Variants in ACSBG2 observed in about 807,000 individuals in gnomAD.
ACSBG2 encodes the protein acyl-CoA synthetase bubblegum family member 2.
In ACSBG2, 62 loss-of-function variants were observed where a neutral mutation model predicts 74.7. The observed-to-expected ratio is 0.83, with a 90% confidence interval of 0.68 to 1.03. The LOEUF (loss-of-function observed/expected upper bound fraction) is 1.03, where lower values mean the gene tolerates loss of function less well. ACSBG2 is among the 50% of genes least tolerant of loss of function. ACSBG2 has a pLI of 0.00. For missense variants in ACSBG2, 730 were observed against 817.6 expected (o/e 0.89, Z 1.31); for synonymous variants, 309 against 294.1 (o/e 1.05, Z -0.52).
chr19:6,149,504 CTTTT>C lies in ACSBG2; in HGVS notation c.297+1848_297+1851del, dbSNP rs556996493. ...CAAGTCTGTACCTTTACATGTGCAA[CTTTT>C]TTTTTTTTTTTTTTTTTTAGACAGA... On this transcript the variant is annotated intron_variant, in intron 3 of 14. Coordinates refer to ENST00000588485, the MANE Select transcript of ACSBG2 (RefSeq NM_030924.5). Among the ~76,000 whole-genome samples the C allele has an allele frequency of 3.3e-3, 428 of 127,890 alleles. 1 individual carries two copies. The highest frequency in any genetic ancestry group is 4.9e-3 in the Admixed American group (62 of 12,672). The allele number at this position is 127,890 out of a possible 152,430, so 83.9% of individuals were successfully genotyped here. A position where few individuals can be genotyped will look rare whatever the true frequency, so the allele number is the denominator to read the frequency against.
intron 8 of ACSBG2, among the ~76,000 whole-genome samples, chr19:6,178,067 C>T (rs1170678940): frequency 6.6e-6 from 1 of 151,946 alleles, no homozygotes; most frequent in Admixed American, 6.6e-5. Flanking sequence ...TTTATACCAC[C>T]TTTTCTTGAC....
chr19:6,141,476 C>T, intron 1 of ACSBG2, 37 bp from the exon 2 acceptor site: 1 of 1,059,722 alleles, frequency 9.4e-7, no homozygotes, highest in African/African-American at 1.6e-5. Context: ...AGCCCCTTTG[C>T]CAATCCTGTT....
At chr19:6,187,478 T>C in intron 12 of ACSBG2, 56 bp downstream of exon 12, 4 of 1,606,940 alleles carry the variant, frequency 2.5e-6, no homozygotes, top group Non-Finnish European at 3.4e-6. Context: ...TTGGGTTCCC[T>C]GGCCCCACCC....
In ACSBG2 at chr19:6,177,221, T is replaced by G; in HGVS notation, c.739-8T>G. 6.2e-7 allele frequency: 1 copy of G among 1,613,994 alleles called. No individual in the cohort carries two copies. On this transcript the variant is annotated splice_polypyrimidine_tract_variant and splice_region_variant and intron_variant, in intron 7 of 14. Transcript: ENST00000588485. ...GTGAGGCACCTTGGATTGTCCCTTA[T>G]GTTACAGATCACGTGGATTGCAGGA...
In ACSBG2 at chr19:6,177,373, T is replaced by G; in HGVS notation, c.883T>G (p.Phe295Val). 6.2e-7 allele frequency: 1 copy of G among 1,604,908 alleles called. No homozygotes were observed. Among genetic ancestry groups the G allele is most frequent in the Non-Finnish European group, 8.5e-7 (1 of 1,176,028 alleles). ...VPIKIGALTY[F>V]AQADALKGTL... ...CATAAAGATTGGGGCGCTCACATAC[T>G]TTGCTCAAGCAGATGCTCTCAAGGT... The change falls in exon 8 of 15, where the codon TTT (phenylalanine) becomes GTT (valine). Residue 295 changes from phenylalanine to valine, a missense_variant. Physicochemically the swap from Phe to Val is conservative, Grantham distance 50. Transcript: ENST00000588485.
intron 6 of ACSBG2, among the ~76,000 whole-genome samples, chr19:6,161,856 C>G (rs187492473): frequency 3.3e-5 from 5 of 152,092 alleles, no homozygotes; most frequent in Admixed American, 2.6e-4. Context: ...AACAAATCAC[C>G]ACCAAAACTG....
rs767599113 is a variant in ACSBG2, at chr19:6,141,507, T to C, written c.-31-6T>C. ...CTGTTAAACTCCCTGCTTTTTTGCT[T>C]TGCAGTGCTGTGGAGCATGGTTTCT... On this transcript the variant is annotated splice_polypyrimidine_tract_variant and splice_region_variant and intron_variant, in intron 1 of 14. Transcript: ENST00000588485. 2 of 1,483,170 alleles carry C rather than the reference T, an allele frequency of 1.3e-6. No individual in the cohort carries two copies. Among genetic ancestry groups the C allele is most frequent in the East Asian group, 4.5e-5 (2 of 44,248 alleles). The allele number at this position is 1,483,170 out of a possible 1,614,324, so 91.9% of individuals were successfully genotyped here.
intron 3 of ACSBG2, chr19:6,148,147 G>A (rs922544567): frequency 2.3e-5 from 4 of 175,124 alleles, no homozygotes; most frequent in African/African-American, 9.6e-5. Context: ...GGTCTCTCAT[G>A]AGGTTGCAGC....
chr19:6,177,222 G>A lies in ACSBG2; in HGVS notation c.739-7G>A, dbSNP rs1313046417. ...TGAGGCACCTTGGATTGTCCCTTATGTTACAGATCACGTGGATTGCAGGAG... is the reference window on the plus strand; with the variant it reads ...TGAGGCACCTTGGATTGTCCCTTATATTACAGATCACGTGGATTGCAGGAG... On this transcript the variant is annotated splice_polypyrimidine_tract_variant and splice_region_variant and intron_variant, in intron 7 of 14. Transcript: ENST00000588485. The A allele has an allele frequency of 1.9e-6, 3 of 1,613,980 alleles. No homozygotes were observed. In the South Asian group the frequency reaches 3.3e-5, roughly 18 times the overall value.
At chr19:6,187,001 G>A (rs896232866) in intron 11 of ACSBG2, among the ~76,000 whole-genome samples, 2 of 140,280 alleles carry the variant, frequency 1.4e-5, no homozygotes, top group African/African-American at 3.0e-5. Context: ...CTGGCCACTA[G>A]GTTTTTTTTT....
chr19:6,149,409 G>C (rs2145042334), intron 3 of ACSBG2, among the ~76,000 whole-genome samples: 1 of 152,116 alleles, frequency 6.6e-6, no homozygotes, highest in East Asian at 1.9e-4. Flanking sequence ...AGAACAAAGA[G>C]GGAGTTTTCC....
At chr19:6,145,765 T>C (rs907715313) in intron 2 of ACSBG2, among the ~76,000 whole-genome samples, 5 of 152,202 alleles carry the variant, frequency 3.3e-5, no homozygotes, top group Non-Finnish European at 5.9e-5. Flanking sequence ...CCTTTGCTAG[T>C]TCCATTTGGC....
intron 6 of ACSBG2, among the ~76,000 whole-genome samples, chr19:6,162,182 C>T (rs886449335): frequency 2.1e-5 from 3 of 146,174 alleles, no homozygotes; most frequent in African/African-American, 7.6e-5. Context: ...AGGAGAATCG[C>T]TTGAACCCGG....
chr19:6,181,433 T>C (rs148644565), intron 8 of ACSBG2, among the ~76,000 whole-genome samples: 17 of 152,266 alleles, frequency 1.1e-4, no homozygotes, highest in Non-Finnish European at 1.8e-4. Context: ...TTGTTGAGTG[T>C]TAAGGGTTCT....
intron 11 of ACSBG2, among the ~76,000 whole-genome samples, chr19:6,185,877 T>C (rs1285960718): frequency 6.6e-6 from 1 of 152,136 alleles, no homozygotes; most frequent in Non-Finnish European, 1.5e-5. Flanking sequence ...AGGATGGACC[T>C]GCAAAAGACA....
At chr19:6,188,460 G>C (rs1358544900) in intron 13 of ACSBG2, among the ~76,000 whole-genome samples, 2 of 152,056 alleles carry the variant, frequency 1.3e-5, no homozygotes, top group Admixed American at 1.3e-4. Flanking sequence ...GGGCAACATG[G>C]TGAAATCCTA....
chr19:6,188,740 G>C (rs1052648825), intron 13 of ACSBG2, among the ~76,000 whole-genome samples: 3 of 152,156 alleles, frequency 2.0e-5, no homozygotes, highest in Admixed American at 6.5e-5. Flanking sequence ...TCTGGGCTGG[G>C]GTTTTAAGGG....
intron 2 of ACSBG2, among the ~76,000 whole-genome samples, chr19:6,145,949 T>C (rs1349207764): frequency 6.6e-6 from 1 of 152,164 alleles, no homozygotes; most frequent in African/African-American, 2.4e-5. Flanking sequence ...CAATGGACGA[T>C]GGGGAATTAT....
intron 6 of ACSBG2, among the ~76,000 whole-genome samples, chr19:6,162,917 C>T (rs1446405650): frequency 6.6e-6 from 1 of 151,720 alleles, no homozygotes; most frequent in Admixed American, 6.6e-5. Flanking sequence ...TGGTTGAAGA[C>T]GCTAATTTAT....
Sources: allele counts gnomAD v4.1 joint callset (sites outside exome capture counted in the v4.1 genomes callset), GRCh38; gene constraint gnomAD v4.1.1; transcripts MANE v1.5; gene names NCBI Gene and HGNC (gene_info 2026-07-23, HGNC 2026-07-21).